The following SELE variants were observed in gnomAD, a reference collection of about 807,000 sequenced individuals.
The protein encoded by SELE is selectin E.
Under a neutral mutation model 75.8 loss-of-function variants are expected in SELE, and 52 were observed. The ratio of observed to expected loss-of-function variants is 0.69; its 90% CI spans 0.55 to 0.86. SELE has a LOEUF of 0.86. Ranked by LOEUF, SELE falls within the 40% of genes least tolerant of loss-of-function variation. The pLI, the probability that SELE is intolerant of heterozygous loss-of-function variation, is 0.00. For synonymous variants in SELE, 285 were observed against 258.7 expected, an observed-to-expected ratio of 1.10 and a Z score of -0.98; for missense variants, 754 against 732.7, an observed-to-expected ratio of 1.03 and a Z score of -0.34.
chr1:169,730,485 G>A lies in SELE; in HGVS notation c.662C>T (p.Thr221Ile). The A allele has an allele frequency of 6.2e-7, 1 of 1,614,062 alleles. No homozygotes were observed. Among genetic ancestry groups the A allele is most frequent in the Admixed American group, 1.7e-5 (1 of 60,016 alleles). ...DRGYLPSSME[T>I]MQCMSSGEWS... ...TTCTCCAGAGGACATACACTGCATGGTCTCCATGCTGCTTGGCAGGTAACC... is the reference window on the plus strand; with the variant it reads ...TTCTCCAGAGGACATACACTGCATGATCTCCATGCTGCTTGGCAGGTAACC... Residue 221 changes from threonine (T) to isoleucine (I), a missense_variant, in exon 5 of 14, where the codon ACC (threonine) becomes ATC (isoleucine). Thr to Ile is a moderately conservative substitution (Grantham distance 89, BLOSUM62 -1). Transcript: ENST00000333360.
At chr1:169,727,673 AT>A (rs1648809251) in intron 9 of SELE, 65 bp downstream of exon 9, 1 of 1,561,154 alleles carries the variant, frequency 6.4e-7, no homozygotes, top group East Asian at 2.3e-5. Flanking sequence ...CTTTGGGGCA[AT>A]CTAGGTTCAG....
In SELE at chr1:169,732,639, T is replaced by C; in HGVS notation, c.397A>G (p.Lys133Glu). The C allele has an allele frequency of 6.2e-7, 1 of 1,605,068 alleles. No homozygotes were observed. Among genetic ancestry groups the C allele is most frequent in the Non-Finnish European group, 8.5e-7 (1 of 1,176,308 alleles). ...CCTGTGTAGCATAGGGCAAGCTTCT[T>C]CTTGCTGCACCTCTCATCATTCCAC... ...GMWNDERCSK[K>E]KLALCYTAAC... The change falls in exon 3 of 14, where the codon AAG becomes GAG. Residue 133 changes from lysine (K) to glutamate (E), a missense_variant. Transcript: ENST00000333360.
At chr1:169,724,978 A>G (rs566649348) in intron 13 of SELE, among the ~76,000 whole-genome samples, 24 of 152,220 alleles carry the variant, frequency 1.6e-4, no homozygotes, top group Non-Finnish European at 2.1e-4. Flanking sequence ...TTAAGAACAC[A>G]AATTTTAGAA....
At chr1:169,730,687 A>G (rs1648892853) in intron 4 of SELE, 70 bp from the exon 5 acceptor site, 2 of 914,232 alleles carry the variant, frequency 2.2e-6, no homozygotes, top group Non-Finnish European at 3.0e-6. Flanking sequence ...GGAAACTAGA[A>G]CTACAGTTTG....
At position 169,727,369 on chromosome 1, in the gene SELE, C is replaced by A; in HGVS notation, c.1625G>T (p.Gly542Val). 6.2e-7 allele frequency: 1 copy of A among 1,613,770 alleles called. No individual in the cohort carries two copies. The highest frequency in any genetic ancestry group is 1.1e-5 in the South Asian group (1 of 90,996). ...ATCACCTTCACAGGTAGGTAGCAGG[C>A]CAGACCAGTGTCCTGTGGCTCCACA... is the stretch of plus-strand genomic sequence containing the variant. ...RTCGATGHWS[G>V]LLPTCEAPTE... Residue 542 changes from glycine (G) to valine (V), a missense_variant, in exon 10 of 14, where the codon GGC becomes GTC. Transcript: ENST00000333360.
In SELE at chr1:169,731,959, G is replaced by T; in HGVS notation, c.422-17C>A. On this transcript the variant is annotated splice_polypyrimidine_tract_variant and intron_variant, in intron 3 of 13. Transcript: ENST00000333360. ...TACAGGCAGCTACGGAAAATACAAAGCATGATGAGGAGGACTATTACTGTG... is the reference window on the plus strand; with the variant it reads ...TACAGGCAGCTACGGAAAATACAAATCATGATGAGGAGGACTATTACTGTG... The T allele has an allele frequency of 6.5e-7, 1 of 1,527,324 alleles. No individual in the cohort carries two copies. Among genetic ancestry groups the T allele is most frequent in the Non-Finnish European group, 9.1e-7 (1 of 1,101,654 alleles). 94.6% of individuals were successfully genotyped at this position (1,527,324 alleles called of 1,614,324 possible).
chr1:169,726,054 T>C (rs1276464578), intron 11 of SELE, 126 bp from the exon 12 acceptor site: 2 of 1,070,594 alleles, frequency 1.9e-6, no homozygotes, highest in Non-Finnish European at 2.8e-6. Flanking sequence ...GCCTCTGTAA[T>C]AATCAGAGCA....
At position 169,725,932 on chromosome 1, in the gene SELE, C is replaced by T; in HGVS notation, c.1754-4G>A. The T allele has an allele frequency of 6.2e-7, 1 of 1,613,710 alleles. No individual in the cohort carries two copies. Among genetic ancestry groups the T allele is most frequent in the Non-Finnish European group, 8.5e-7 (1 of 1,179,826 alleles). On this transcript the variant is annotated splice_polypyrimidine_tract_variant and splice_region_variant and intron_variant, in intron 11 of 13. Coordinates refer to ENST00000333360, the MANE Select transcript of SELE (RefSeq NM_000450.2). Reference sequence around the variant, plus strand: ...CTGGCAGGAACAAATTTCTTTGCTGCAAAAGAAAAGACAAACAACCATTAA... The same window carrying T: ...CTGGCAGGAACAAATTTCTTTGCTGTAAAAGAAAAGACAAACAACCATTAA...
chr1:169,729,930 A>T (rs1011571229), intron 5 of SELE, among the ~76,000 whole-genome samples: 11 of 151,028 alleles, frequency 7.3e-5, no homozygotes, highest in Middle Eastern at 3.4e-3. Flanking sequence ...GTAAAAATTT[A>T]AAAAAAATAG....
chr1:169,731,589 C>T, intron 4 of SELE: 1 of 400,932 alleles, frequency 2.5e-6, no homozygotes, highest in South Asian at 2.8e-5. Context: ...CTATTATTAT[C>T]CTCATTTTAC....
Position 169,728,058 on chromosome 1 carries a change from C to T in SELE, c.1279G>A (p.Ala427Thr), listed in dbSNP as rs754829637. The change falls in exon 8 of 14, where the codon GCT (alanine) becomes ACT (threonine). Residue 427 changes from alanine (A) to threonine (T), a missense_variant and splice_region_variant. Transcript: ENST00000333360. ...AATAAAATAAAAACAAAGACTGTAC[C>T]TTCACATGTGGGCTTCTCGTTGTCC... The part of the protein sequence containing the change: ...EWDNEKPTCE[A>T]VRCDAVHQPP... 2 of 1,608,314 alleles carry T rather than the reference C, an allele frequency of 1.2e-6. No individual in the cohort carries two copies. Among genetic ancestry groups the T allele is most frequent in the South Asian group, 2.2e-5 (2 of 89,782 alleles).
Position 169,730,326 on chromosome 1 carries a change from A to AAAAAC in SELE, c.715+105_715+106insGTTTT, listed in dbSNP as rs558857778. ...AACAAATTGTATTAAAAACAAAAACAAAAAAAAAACTTTCCCTGAAGTTTT... is the reference window on the plus strand; with the variant it reads ...AACAAATTGTATTAAAAACAAAAACAAAAACAAAAAAAAACTTTCCCTGAAGTTTT... On this transcript the variant is annotated intron_variant, in intron 5 of 13. Coordinates refer to ENST00000333360, the MANE Select transcript of SELE (RefSeq NM_000450.2). 6.9e-5 allele frequency: 32 copies of AAAAAC among 465,046 alleles called. 1 individual carries two copies. The highest frequency in any genetic ancestry group is 1.6e-4 in the South Asian group (2 of 12,270). 28.8% of individuals were successfully genotyped at this position (465,046 alleles called of 1,614,324 possible).
chr1:169,730,417 C>T lies in SELE; in HGVS notation c.715+15G>A, dbSNP rs1296332164. On this transcript the variant is annotated intron_variant, in intron 5 of 13. Coordinates refer to ENST00000333360, the MANE Select transcript of SELE (RefSeq NM_000450.2). ...TGAGTTACAGAACGTTCTGTGCATT[C>T]TCAGAGGGATTTACCATTGCAGGCT... is the stretch of plus-strand genomic sequence containing the variant. 2 of 1,570,792 alleles carry T rather than the reference C, an allele frequency of 1.3e-6. No individual in the cohort carries two copies. Among genetic ancestry groups the T allele is most frequent in the Middle Eastern group, 3.4e-4 (2 of 5,880 alleles).
chr1:169,726,859 C>A, intron 10 of SELE, 53 bp from the exon 11 acceptor site: 2 of 1,280,440 alleles, frequency 1.6e-6, no homozygotes, highest in Non-Finnish European at 2.2e-6. Flanking sequence ...ATGTTAAAGT[C>A]TCTCCGTCCT....
At position 169,733,075 on chromosome 1, in the gene SELE, G is replaced by A. The variant is rs1571147807; in HGVS notation, c.38-77C>T. 4 of 1,422,600 alleles carry A rather than the reference G, an allele frequency of 2.8e-6. No homozygotes were observed. The South Asian group carries it at 6.1e-5, about 22-fold the overall frequency. 88.1% of individuals were successfully genotyped at this position (1,422,600 alleles called of 1,614,324 possible). ...AACTCTGACAACTGTGCTTTTTATT[G>A]TCTTATTTTTGGCAATGTTTGTGAC... On this transcript the variant is annotated intron_variant, in intron 2 of 13. Transcript: ENST00000333360.
chr1:169,732,601 C>T lies in SELE; in HGVS notation c.421+14G>A, dbSNP rs773395087. The T allele has an allele frequency of 5.1e-5, 78 of 1,541,372 alleles. No homozygotes were observed. Among genetic ancestry groups the T allele is most frequent in the East Asian group, 1.4e-4 (6 of 44,154 alleles). Reference sequence around the variant, plus strand: ...CACTGAAACTACCTCCCACTGCTGCCGCAAACTCCCTACCTGTGTAGCATA... The same window carrying T: ...CACTGAAACTACCTCCCACTGCTGCTGCAAACTCCCTACCTGTGTAGCATA... On this transcript the variant is annotated intron_variant, in intron 3 of 13. Coordinates refer to ENST00000333360, the MANE Select transcript of SELE (RefSeq NM_000450.2).
intron 3 of SELE, among the ~76,000 whole-genome samples, chr1:169,732,256 A>G (rs888031438): frequency 6.6e-5 from 10 of 151,450 alleles, no homozygotes; most frequent in African/African-American, 2.4e-4. Context: ...TTTATATGTA[A>G]AGAACTACAT....
Position 169,730,467 on chromosome 1 carries a change from G to A in SELE, c.680C>T (p.Ser227Phe), listed in dbSNP as rs755797554. The A allele has an allele frequency of 6.2e-7, 1 of 1,613,758 alleles. No individual in the cohort carries two copies. Among genetic ancestry groups the A allele is most frequent in the Non-Finnish European group, 8.5e-7 (1 of 1,179,776 alleles). Residue 227 changes from serine to phenylalanine, a missense_variant, in exon 5 of 14, where the codon TCT (serine) becomes TTT (phenylalanine). Transcript: ENST00000333360. ...TGGAATAGGAGCACTCCATTCTCCAGAGGACATACACTGCATGGTCTCCAT... is the reference window on the plus strand; with the variant it reads ...TGGAATAGGAGCACTCCATTCTCCAAAGGACATACACTGCATGGTCTCCAT... ...SSMETMQCMS[S>F]GEWSAPIPAC...
At position 169,728,241 on chromosome 1, in the gene SELE, G is replaced by A; in HGVS notation, c.1096C>T (p.Gln366Ter). The A allele has an allele frequency of 6.2e-7, 1 of 1,612,554 alleles. No individual in the cohort carries two copies. The highest frequency in any genetic ancestry group is 8.5e-7 in the Non-Finnish European group (1 of 1,179,484). ...TQQIPVCEAF[Q>*]CTALSNPERG... ...TCGGGGTTGGACAAGGCTGTGCACTGGAAAGCTGAGACATCAAAATGATGG... is the reference window on the plus strand; with the variant it reads ...TCGGGGTTGGACAAGGCTGTGCACTAGAAAGCTGAGACATCAAAATGATGG... The change falls in exon 8 of 14, where the codon CAG becomes TAG. Residue 366 changes from glutamine (Q) to a stop codon, truncating the protein, a stop_gained. Transcript: ENST00000333360. LOFTEE classifies it high-confidence loss of function.
Sources: allele counts gnomAD v4.1 joint callset (sites outside exome capture counted in the v4.1 genomes callset), GRCh38; gene constraint gnomAD v4.1.1; transcripts MANE v1.5; gene names NCBI Gene and HGNC (gene_info 2026-07-23, HGNC 2026-07-21).